WNT2B: variants seen among roughly 807,000 people sequenced by gnomAD.
WNT2B encodes protein Wnt-2b.
Under a neutral mutation model 40.5 loss-of-function variants are expected in WNT2B, and 19 were observed. That is an observed-to-expected ratio of 0.47 (90% CI 0.33 to 0.69). WNT2B has a LOEUF of 0.69. Ranked by LOEUF, WNT2B falls within the 30% of genes least tolerant of loss-of-function variation. The pLI is 0.02. For missense variants in WNT2B, 467 were observed against 556.4 expected (o/e 0.84, Z 1.62); for synonymous variants, 220 against 211.9 (o/e 1.04, Z -0.33).
Position 112,509,294 on chromosome 1 carries a change from C to T in WNT2B, c.32C>T (p.Ala11Val). The T allele has an allele frequency of 1.3e-6, 2 of 1,547,562 alleles. No individual in the cohort carries two copies. Among genetic ancestry groups the T allele is most frequent in the Middle Eastern group, 2.3e-4 (1 of 4,342 alleles). MLRPGGAEEA[A>V]QLPLRRASAP... ...AGACCGGGTGGTGCGGAGGAAGCTG[C>T]GCAGCTCCCGCTTCGGCGCGCCAGC... The change falls in exon 1 of 5, where the codon GCG becomes GTG. Residue 11 changes from alanine to valine, a missense_variant. Physicochemically the swap from Ala to Val is moderately conservative, Grantham distance 64. Around this residue, in one of 2 missense-constraint regions of WNT2B, gnomAD observed 137 missense variants for 117.7 expected, o/e 1.16. Transcript: ENST00000369684. This position sits in a 1 kb window ranked among gnomAD's most constrained non-coding sequence, Gnocchi z 4.2.
At chr1:112,508,673 TG>T, upstream of WNT2B, 1 of 978,012 alleles carries the variant, frequency 1.0e-6, no homozygotes, top group Non-Finnish European at 1.2e-6. The surrounding 1 kb of genome is among the most constrained non-coding windows in gnomAD (Gnocchi z 4.2). Context: ...CCCATAGAAG[TG>T]GGGCTGCTGA....
chr1:112,517,524 C>CT, intron 4 of WNT2B, 139 bp downstream of exon 4: 1 of 1,137,014 alleles, frequency 8.8e-7, no homozygotes, highest in South Asian at 1.6e-5. Flanking sequence ...ACATGAACAC[C>CT]TGGTCATGAG....
Position 112,517,153 on chromosome 1 carries a change from G to C in WNT2B, c.714G>C (p.Lys238Asn). ...AVRRFLKLECKCHGVSGSCTL... is the reference protein window; with the variant it reads ...AVRRFLKLECNCHGVSGSCTL... ...GGCGGTTTCTGAAGCTGGAGTGTAA[G>C]TGCCATGGCGTGAGTGGTTCCTGTA... Residue 238 changes from lysine (K) to asparagine (N), a missense_variant, in exon 4 of 5, where the codon AAG becomes AAC. Coordinates refer to ENST00000369684, the MANE Select transcript of WNT2B (RefSeq NM_024494.3). The C allele has an allele frequency of 6.2e-7, 1 of 1,613,206 alleles. No homozygotes were observed. Among genetic ancestry groups the C allele is most frequent in the Non-Finnish European group, 8.5e-7 (1 of 1,179,246 alleles).
chr1:112,467,294 A>AT (rs1253670839), exon 1 of WNT2B: 1 of 531,368 alleles, frequency 1.9e-6, no homozygotes, highest in Non-Finnish European at 3.4e-6. Flanking sequence ...CAGGCAAAGA[A>AT]TTTGTGCCCT....
At chr1:112,501,914 G>C (rs1469543100) in intron 1 of WNT2B, among the ~76,000 whole-genome samples, 1 of 152,214 alleles carries the variant, frequency 6.6e-6, no homozygotes, top group Non-Finnish European at 1.5e-5. Context: ...CGCTCCTAAG[G>C]TTTTCTTCGG....
At chr1:112,492,528 G>A (rs980219529) in intron 1 of WNT2B, among the ~76,000 whole-genome samples, 4 of 152,202 alleles carry the variant, frequency 2.6e-5, no homozygotes, top group African/African-American at 9.7e-5. Context: ...AGCTCACCAG[G>A]TTCTCACAGT....
rs891473186 is a variant in WNT2B, at chr1:112,527,278, G to A, written c.*6769G>A. On this transcript the variant is annotated 3_prime_UTR_variant, in exon 5 of 5. Transcript: ENST00000369684. ...AGCTCCCTGACCTGGGCCCCTACTT[G>A]AGCTAGGAGAAGAACACCTCATGAA... 1.3e-5 allele frequency: 2 copies of A among 152,296 alleles called. No homozygotes were observed. Among genetic ancestry groups the A allele is most frequent in the African/African-American group, 4.8e-5 (2 of 41,462 alleles). The allele number at this position is 152,296 out of a possible 1,614,324, so 9.4% of individuals were successfully genotyped here.
At chr1:112,475,483 A>AAT (rs1331691761) in intron 1 of WNT2B, among the ~76,000 whole-genome samples, 3 of 152,238 alleles carry the variant, frequency 2.0e-5, no homozygotes, top group Non-Finnish European at 4.4e-5. Context: ...AATCTCTCTA[A>AAT]AGAGTTATCA....
At chr1:112,516,478 C>T in intron 3 of WNT2B, 61 bp downstream of exon 3, 1 of 1,548,554 alleles carries the variant, frequency 6.5e-7, no homozygotes, top group Non-Finnish European at 8.7e-7. Context: ...GTGTGTGTGA[C>T]CATGGACTAA....
At chr1:112,474,362 A>T (rs957504456) in intron 1 of WNT2B, among the ~76,000 whole-genome samples, 2 of 151,854 alleles carry the variant, frequency 1.3e-5, no homozygotes, top group Admixed American at 6.6e-5. Context: ...GTTAGCCAGG[A>T]TGGTCTCAAT....
chr1:112,468,839 T>C (rs1411317747), intron 1 of WNT2B, among the ~76,000 whole-genome samples: 1 of 152,218 alleles, frequency 6.6e-6, no homozygotes, highest in African/African-American at 2.4e-5. Context: ...TTTCGTTTTG[T>C]TGCCTGTGCT....
chr1:112,475,540 CAAT>C (rs1651027959), intron 1 of WNT2B, among the ~76,000 whole-genome samples: 2 of 151,932 alleles, frequency 1.3e-5, no homozygotes, highest in Admixed American at 6.6e-5. Flanking sequence ...AAATGTATGA[CAAT>C]GATAGCACAA....
chr1:112,469,159 CTA>C (rs1650796225), intron 1 of WNT2B, among the ~76,000 whole-genome samples: 1 of 152,162 alleles, frequency 6.6e-6, no homozygotes, highest in Admixed American at 6.5e-5. Context: ...TTCCATTGGT[CTA>C]TGTGTCTGCT....
chr1:112,467,187 T>C (rs1650733185), exon 1 of WNT2B: 2 of 286,910 alleles, frequency 7.0e-6, no homozygotes, highest in Non-Finnish European at 1.3e-5. Flanking sequence ...GTGCACCAAG[T>C]TGCCAGCAGG....
At chr1:112,481,053 G>A (rs1410395605) in intron 1 of WNT2B, among the ~76,000 whole-genome samples, 2 of 151,654 alleles carry the variant, frequency 1.3e-5, no homozygotes, top group Non-Finnish European at 2.9e-5. Context: ...CCTGTAATCC[G>A]AGCTACTCAG....
upstream of WNT2B, chr1:112,508,907 C>T (rs1652228711): frequency 9.3e-7 from 1 of 1,070,176 alleles, no homozygotes; most frequent in Non-Finnish European, 1.1e-6. This position sits in a 1 kb window ranked among gnomAD's most constrained non-coding sequence, Gnocchi z 4.2. Flanking sequence ...GCGCGTGTCC[C>T]CGGCCTCGGC....
rs141812668 is a variant in WNT2B, at chr1:112,524,213, C to G, written c.*3704C>G. 5 of 152,644 alleles carry G rather than the reference C, an allele frequency of 3.3e-5. No homozygotes were observed. In the South Asian group the frequency reaches 1.0e-3, roughly 32 times the overall value. 9.5% of individuals were successfully genotyped at this position (152,644 alleles called of 1,614,324 possible). A position where few individuals can be genotyped will look rare whatever the true frequency, so the allele number is the denominator to read the frequency against. ...CAAATTCTCAGACCCACTCAGGACA[C>G]GAGTCTCTACATGGCTTAACAGAAG... On this transcript the variant is annotated 3_prime_UTR_variant, in exon 5 of 5. Transcript: ENST00000369684.
chr1:112,495,678 C>T (rs1401019034), intron 1 of WNT2B, among the ~76,000 whole-genome samples: 1 of 151,890 alleles, frequency 6.6e-6, no homozygotes, highest in Non-Finnish European at 1.5e-5. Context: ...GATTGTCAGA[C>T]TGATCAAACA....
At chr1:112,487,131 T>G (rs561228707) in intron 1 of WNT2B, among the ~76,000 whole-genome samples, 1 of 152,370 alleles carries the variant, frequency 6.6e-6, no homozygotes, top group Admixed American at 6.5e-5. Flanking sequence ...GGAATACTAT[T>G]CAACAATAAA....
Sources: gnomAD v4.1 joint callset for allele counts (sites outside exome capture counted in the v4.1 genomes callset) on GRCh38, gnomAD v4.1.1 for gene constraint, gnomAD v4.1.1 regional missense constraint, Gnocchi (gnomAD v3.1) non-coding constraint, MANE v1.5 for transcripts, NCBI Gene and HGNC (gene_info 2026-07-23, HGNC 2026-07-21) for gene names.